KCNC1: variants seen among roughly 807,000 people sequenced by gnomAD.
KCNC1 encodes potassium voltage-gated channel subfamily C member 1, also known as voltage-gated potassium channel KCNC1.
A neutral mutation model predicts 43.4 loss-of-function variants in KCNC1; 8 were observed. That is an observed-to-expected ratio of 0.18 (90% CI 0.11 to 0.33). The LOEUF (loss-of-function observed/expected upper bound fraction) is 0.33. KCNC1 is among the 10% of genes least tolerant of loss of function. The pLI is 1.00. For synonymous variants in KCNC1, 361 were observed against 360.5 expected, an observed-to-expected ratio of 1.00 and a Z score of -0.01; for missense variants, 420 against 836.0, an observed-to-expected ratio of 0.50 and a Z score of 6.14.
At chr11:17,763,713 C>T (rs575227765) in intron 1 of KCNC1, among the ~76,000 whole-genome samples, 1 of 129,458 alleles carries the variant, frequency 7.7e-6, no homozygotes, top group Non-Finnish European at 1.6e-5. Context: ...CCCACACACA[C>T]CCCCACACAC....
intron 2 of KCNC1, chr11:17,775,662 C>A: frequency 1.0e-6 from 1 of 985,736 alleles, no homozygotes; most frequent in Non-Finnish European, 1.2e-6. Context: ...TCCTGCCATG[C>A]CCATTCGCAT....
At chr11:17,768,020 T>A (rs1299240936) in intron 1 of KCNC1, among the ~76,000 whole-genome samples, 1 of 152,224 alleles carries the variant, frequency 6.6e-6, no homozygotes, top group Non-Finnish European at 1.5e-5. Flanking sequence ...GCTGTGGGGT[T>A]GCCTGGGAGT....
chr11:17,753,207 G>A (rs1848988132), intron 1 of KCNC1, among the ~76,000 whole-genome samples: 1 of 152,242 alleles, frequency 6.6e-6, no homozygotes, highest in Middle Eastern at 3.2e-3. Context: ...CGGCAGTGCA[G>A]AGAGGCAGCA....
Position 17,735,375 on chromosome 11 carries a change from G to C in KCNC1, c.-628G>C, listed in dbSNP as rs1437569871. 1 of 151,760 alleles carries C rather than the reference G, an allele frequency of 6.6e-6. No individual in the cohort carries two copies. Among genetic ancestry groups the C allele is most frequent in the African/African-American group, 2.4e-5 (1 of 41,326 alleles). The allele number at this position is 151,760 out of a possible 1,614,324, so 9.4% of individuals were successfully genotyped here. On this transcript the variant is annotated 5_prime_UTR_variant, in exon 1 of 4. Coordinates refer to ENST00000265969, the MANE Select transcript of KCNC1 (RefSeq NM_001112741.2). The surrounding 1 kb of genome is among the most constrained non-coding windows in gnomAD (Gnocchi z 6.7). ...GGGGCCGGAGCCCGCCCTGCGTCCCGAGCTGCAGCCCGGCCACGCAGGGAG... is the reference window on the plus strand; with the variant it reads ...GGGGCCGGAGCCCGCCCTGCGTCCCCAGCTGCAGCCCGGCCACGCAGGGAG...
chr11:17,750,686 C>T (rs555227670), intron 1 of KCNC1, among the ~76,000 whole-genome samples: 1 of 152,296 alleles, frequency 6.6e-6, no homozygotes, highest in South Asian at 2.1e-4. Flanking sequence ...CAACGTGCTC[C>T]GGCTCCCTGC....
At chr11:17,778,537 A>G (rs1384856399) in intron 2 of KCNC1, among the ~76,000 whole-genome samples, 1 of 152,278 alleles carries the variant, frequency 6.6e-6, no homozygotes, top group East Asian at 1.9e-4. Context: ...CAAGCTGACC[A>G]GGCCTGCTGG....
rs10534547 is a variant in KCNC1, at chr11:17,739,673, CTGTG to C, written c.570+3127_570+3130del. ...GTATATGTGGAGCTCATGTGTGAGT[CTGTG>C]TGTGTGTGTGTGTGTGTGTGTGTGT... On this transcript the variant is annotated intron_variant, in intron 1 of 3. Transcript: ENST00000265969. The surrounding 1 kb of genome is among the most constrained non-coding windows in gnomAD (Gnocchi z 4.2). Among the ~76,000 whole-genome samples, 15,891 of 142,814 alleles carry C rather than the reference CTGTG, an allele frequency of 0.11. 1,954 individuals are homozygous for C. The highest frequency in any genetic ancestry group is 0.32 in the African/African-American group (12,544 of 39,082). The allele number at this position is 142,814 out of a possible 152,430, so 93.7% of individuals were successfully genotyped here.
chr11:17,744,368 G>A (rs1359350849), intron 1 of KCNC1, among the ~76,000 whole-genome samples: 1 of 152,192 alleles, frequency 6.6e-6, no homozygotes, highest in Non-Finnish European at 1.5e-5. Context: ...CTGGCCCAGA[G>A]CAGGCAGGAG....
chr11:17,757,426 T>C (rs1032919318), intron 1 of KCNC1, among the ~76,000 whole-genome samples: 1 of 152,052 alleles, frequency 6.6e-6, no homozygotes, highest in African/African-American at 2.4e-5. Flanking sequence ...GGCAGACCTG[T>C]GATTGCTGGG....
At chr11:17,750,304 G>A (rs1215146262) in intron 1 of KCNC1, among the ~76,000 whole-genome samples, 2 of 152,152 alleles carry the variant, frequency 1.3e-5, no homozygotes, top group African/African-American at 4.8e-5. Flanking sequence ...GGCCCTGGCT[G>A]AGCCACAGAG....
intron 2 of KCNC1, chr11:17,775,952 G>T (rs1421189861): frequency 1.0e-6 from 1 of 984,560 alleles, no homozygotes; most frequent in Non-Finnish European, 1.2e-6. Context: ...CTGGGCAGCA[G>T]TGGCTGCCCA....
At chr11:17,745,433 C>T (rs1042977746) in intron 1 of KCNC1, among the ~76,000 whole-genome samples, 5 of 152,152 alleles carry the variant, frequency 3.3e-5, no homozygotes, top group Non-Finnish European at 7.3e-5. Context: ...GTGCATCGCA[C>T]CCCTCCACAG....
chr11:17,741,671 C>A (rs1326882009), intron 1 of KCNC1, among the ~76,000 whole-genome samples: 1 of 152,246 alleles, frequency 6.6e-6, no homozygotes, highest in Non-Finnish European at 1.5e-5. Context: ...CAGTGCTTCG[C>A]CAGCCCGTGG....
In KCNC1 at chr11:17,772,517, G is replaced by A. The variant is rs1263054774; in HGVS notation, c.1423G>A (p.Val475Ile). Residue 475 changes from valine (V) to isoleucine (I), a missense_variant, in exon 2 of 4, where the codon GTC becomes ATC. Physicochemically the swap from Val to Ile is conservative, Grantham distance 29 (BLOSUM62 3). Transcript: ENST00000265969. Reference sequence around the variant, plus strand: ...GGGATCTCCCAATTATTGTAAATCTGTCGTAAACTCTCCACACCACAGTAC... The same window carrying A: ...GGGATCTCCCAATTATTGTAAATCTATCGTAAACTCTCCACACCACAGTAC... ...QLGSPNYCKS[V>I]VNSPHHSTQS... The A allele has an allele frequency of 6.2e-7, 1 of 1,614,206 alleles. No individual in the cohort carries two copies. The highest frequency in any genetic ancestry group is 8.5e-7 in the Non-Finnish European group (1 of 1,180,040).
rs902701695 is a variant in KCNC1 at position 17,777,150 on chromosome 11, G to C, written c.1505-2306G>C. 6.7e-5 allele frequency: 66 copies of C among 984,838 alleles called. No homozygotes were observed. The highest frequency in any genetic ancestry group is 7.7e-5 in the Non-Finnish European group (64 of 829,770). The allele number at this position is 984,838 out of a possible 1,614,324, so 61.0% of individuals were successfully genotyped here. On this transcript the variant is annotated intron_variant, in intron 2 of 3. Coordinates refer to ENST00000265969, the MANE Select transcript of KCNC1 (RefSeq NM_001112741.2). The surrounding 1 kb of genome is among the most constrained non-coding windows in gnomAD (Gnocchi z 4.3). ...GAGAGCTGGGAGCCCCCAGGGCCTGGGGGCTTGTGGACAGAACCAGTGGGC... is the reference window on the plus strand; with the variant it reads ...GAGAGCTGGGAGCCCCCAGGGCCTGCGGGCTTGTGGACAGAACCAGTGGGC...
At chr11:17,759,339 C>T (rs1320380377) in intron 1 of KCNC1, among the ~76,000 whole-genome samples, 1 of 152,204 alleles carries the variant, frequency 6.6e-6, no homozygotes, top group African/African-American at 2.4e-5. Flanking sequence ...CATCTTCTAT[C>T]CAGAACACTC....
At chr11:17,762,708 C>T (rs901979371) in intron 1 of KCNC1, among the ~76,000 whole-genome samples, 35 of 152,292 alleles carry the variant, frequency 2.3e-4, no homozygotes, top group African/African-American at 7.2e-4. Flanking sequence ...ATAAGAAAAT[C>T]GCCACACTGG....
chr11:17,750,279 T>A (rs1429539861), intron 1 of KCNC1, among the ~76,000 whole-genome samples: 1 of 152,176 alleles, frequency 6.6e-6, no homozygotes, highest in Admixed American at 6.5e-5. Flanking sequence ...GTTTGGATTT[T>A]CCTGGGTATA....
rs986707958 is a variant in KCNC1 at position 17,739,068 on chromosome 11, C to T, written c.570+2496C>T. Among the ~76,000 whole-genome samples, 3 of 152,172 alleles carry T rather than the reference C, an allele frequency of 2.0e-5. No individual in the cohort carries two copies. Among genetic ancestry groups the T allele is most frequent in the Non-Finnish European group, 4.4e-5 (3 of 68,034 alleles). ...CTAGCTGCACTGCGCTGCCTCTCTG[C>T]GGCTCATCTGCGCACAGACCAGCCG... On this transcript the variant is annotated intron_variant, in intron 1 of 3. Coordinates refer to ENST00000265969, the MANE Select transcript of KCNC1 (RefSeq NM_001112741.2). This position sits in a 1 kb window ranked among gnomAD's most constrained non-coding sequence, Gnocchi z 4.2.
Sources: allele counts gnomAD v4.1 joint callset (sites outside exome capture counted in the v4.1 genomes callset), GRCh38; gene constraint gnomAD v4.1.1; non-coding constraint Gnocchi (gnomAD v3.1); transcripts MANE v1.5; gene names NCBI Gene and HGNC (gene_info 2026-07-23, HGNC 2026-07-21).